Variants in MGAT5 observed in about 807,000 individuals in gnomAD.
MGAT5 encodes alpha-1,6-mannosylglycoprotein 6-beta-N-acetylglucosaminyltransferase, also known as alpha-1,6-mannosylglycoprotein 6-beta-N-acetylglucosaminyltransferase A.
MGAT5 carries 30 observed loss-of-function variants against 94.3 expected under a neutral mutation model. The observed-to-expected ratio is 0.32, with a 90% confidence interval of 0.24 to 0.43. The LOEUF (loss-of-function observed/expected upper bound fraction) is 0.43. MGAT5 is among the 20% of genes least tolerant of loss of function. The probability of loss-of-function intolerance (pLI) is 1.00; values close to 1 mark genes in which losing one functional copy is unlikely to be tolerated. For missense variants in MGAT5, 691 were observed against 905.5 expected (o/e 0.76, Z 3.04); for synonymous variants, 310 against 322.9 (o/e 0.96, Z 0.43).
At chr2:134,308,709 C>T (rs1686479051) in intron 2 of MGAT5, among the ~76,000 whole-genome samples, 1 of 152,132 alleles carries the variant, frequency 6.6e-6, no homozygotes. Context: ...AATTTACATA[C>T]CACACATTTC....
At chr2:134,316,606 G>C (rs939339641) in intron 2 of MGAT5, among the ~76,000 whole-genome samples, 2 of 151,974 alleles carry the variant, frequency 1.3e-5, no homozygotes, top group African/African-American at 4.8e-5. Context: ...ATATTTATAG[G>C]GCACTTAGTG....
intron 10 of MGAT5, among the ~76,000 whole-genome samples, chr2:134,374,812 G>C: frequency 6.6e-6 from 1 of 152,152 alleles, no homozygotes; most frequent in African/African-American, 2.4e-5. Context: ...GGGCAACCTG[G>C]CGAAACCCTA....
rs532621086 is a variant in MGAT5 at position 134,216,078 on chromosome 2, C to T, written c.-142-38184C>T. Among the ~76,000 whole-genome samples the T allele has an allele frequency of 3.9e-5, 6 of 152,256 alleles. No individual in the cohort carries two copies. The East Asian group carries it at 1.2e-3, about 29-fold the overall frequency. ...AAGGCTGATGTGTTCCATTAGATTC[C>T]ATCATCTCTCAGTGGTTCTGTAAGA... On this transcript the variant is annotated intron_variant, in intron 1 of 16. Coordinates refer to the MGAT5 transcript ENST00000409645.
chr2:134,238,426 A>G (rs1457663653), intron 1 of MGAT5, among the ~76,000 whole-genome samples: 1 of 152,228 alleles, frequency 6.6e-6, no homozygotes, highest in Non-Finnish European at 1.5e-5. Context: ...AGAGGTTCAG[A>G]GGAGAAGCAA....
chr2:134,142,292 TA>T (rs1293774527), intron 1 of MGAT5, among the ~76,000 whole-genome samples: 1 of 152,146 alleles, frequency 6.6e-6, no homozygotes, highest in Non-Finnish European at 1.5e-5. Flanking sequence ...AAAAGAGTGT[TA>T]ACCTGGAAGA....
At chr2:134,329,415 C>A (rs1687822810) in intron 4 of MGAT5, among the ~76,000 whole-genome samples, 1 of 152,102 alleles carries the variant, frequency 6.6e-6, no homozygotes, top group Non-Finnish European at 1.5e-5. Flanking sequence ...AGAATTGTTG[C>A]TACATTCGTT....
At chr2:134,195,789 G>C (rs915524574) in intron 1 of MGAT5, among the ~76,000 whole-genome samples, 7 of 152,170 alleles carry the variant, frequency 4.6e-5, no homozygotes, top group Non-Finnish European at 8.8e-5. Context: ...CTTAATGGCT[G>C]GGTAATCTTA....
At chr2:134,240,013 T>C (rs1363182417) in intron 1 of MGAT5, among the ~76,000 whole-genome samples, 1 of 152,042 alleles carries the variant, frequency 6.6e-6, no homozygotes, top group African/African-American at 2.4e-5. Flanking sequence ...AAAATCCAAC[T>C]GGTTGTTCAG....
At chr2:134,423,047 TA>T (rs1292960892) in intron 13 of MGAT5, 128 bp downstream of exon 13, 4 of 653,114 alleles carry the variant, frequency 6.1e-6, no homozygotes, top group African/African-American at 1.8e-5. Context: ...AATTAGAAAA[TA>T]ACCAAGCTGC....
intron 2 of MGAT5, among the ~76,000 whole-genome samples, chr2:134,290,343 C>G (rs1366883852): frequency 2.6e-5 from 4 of 152,218 alleles, no homozygotes; most frequent in Non-Finnish European, 4.4e-5. Context: ...AAGAGCCACT[C>G]AGCTCTTTGT....
intron 2 of MGAT5, among the ~76,000 whole-genome samples, chr2:134,301,068 A>C (rs562830936): frequency 2.0e-5 from 3 of 152,136 alleles, no homozygotes; most frequent in Non-Finnish European, 4.4e-5. Flanking sequence ...TTCAATCACC[A>C]TAGGTTAATT....
intron 11 of MGAT5, among the ~76,000 whole-genome samples, chr2:134,404,081 A>C (rs1683207884): frequency 6.6e-6 from 1 of 152,214 alleles, no homozygotes; most frequent in Non-Finnish European, 1.5e-5. Flanking sequence ...CCTCAGGTTT[A>C]TTAATAAGTT....
At chr2:134,234,411 G>A (rs908924606) in intron 1 of MGAT5, among the ~76,000 whole-genome samples, 3 of 152,186 alleles carry the variant, frequency 2.0e-5, no homozygotes, top group Admixed American at 1.3e-4. Context: ...GTCTCAACAG[G>A]GAGCAGATCA....
intron 11 of MGAT5, among the ~76,000 whole-genome samples, chr2:134,405,264 C>T (rs993050793): frequency 2.6e-5 from 4 of 152,182 alleles, no homozygotes; most frequent in Non-Finnish European, 5.9e-5. Context: ...TTAAAGAGCA[C>T]GAGGGGTGTA....
intron 10 of MGAT5, among the ~76,000 whole-genome samples, chr2:134,375,243 C>G (rs527700138): frequency 1.3e-5 from 2 of 152,304 alleles, no homozygotes; most frequent in South Asian, 4.1e-4. Flanking sequence ...AAAGGTTCCT[C>G]AGGTGGTCAG....
chr2:134,371,960 A>AAAC (rs1345090292), intron 10 of MGAT5, among the ~76,000 whole-genome samples: 8 of 151,788 alleles, frequency 5.3e-5, no homozygotes, highest in African/African-American at 1.9e-4. Context: ...AAAAAAAAAA[A>AAAC]ACCTTGCCTG....
intron 2 of MGAT5, among the ~76,000 whole-genome samples, chr2:134,315,031 C>CA (rs1288002356): frequency 6.6e-6 from 1 of 152,140 alleles, no homozygotes; most frequent in Non-Finnish European, 1.5e-5. Context: ...TGTTTCTTTA[C>CA]AAAAAAAGTT....
At chr2:134,346,187 G>A (rs372935925) in intron 8 of MGAT5, among the ~76,000 whole-genome samples, 4 of 152,092 alleles carry the variant, frequency 2.6e-5, no homozygotes, top group Non-Finnish European at 4.4e-5. Flanking sequence ...GAATCTACAC[G>A]GTATAGGCTT....
intron 1 of MGAT5, among the ~76,000 whole-genome samples, chr2:134,195,002 C>A (rs186466772): frequency 1.8e-4 from 27 of 152,272 alleles, no homozygotes; most frequent in African/African-American, 5.3e-4. Flanking sequence ...AAAGGTCCAG[C>A]AGCATTTTAT....
Sources: gnomAD v4.1 joint callset for allele counts (sites outside exome capture counted in the v4.1 genomes callset) on GRCh38, gnomAD v4.1.1 for gene constraint, MANE v1.5 for transcripts, NCBI Gene and HGNC (gene_info 2026-07-23, HGNC 2026-07-21) for gene names.